Variants in MDGA2 observed in about 807,000 individuals in gnomAD.
The protein encoded by MDGA2 is MAM domain containing glycosylphosphatidylinositol anchor 2.
Under a neutral mutation model 117.8 loss-of-function variants are expected in MDGA2, and 40 were observed. The ratio of observed to expected loss-of-function variants is 0.34; its 90% CI spans 0.26 to 0.44. The LOEUF (loss-of-function observed/expected upper bound fraction) is 0.44. Among genes scored for constraint, MDGA2 ranks in the 20% least tolerant of loss-of-function variants. The pLI is 1.00. For missense variants in MDGA2, 1,123 were observed against 1,250.6 expected (o/e 0.90, Z 1.54); for synonymous variants, 452 against 439.0 (o/e 1.03, Z -0.37).
intron 1 of MDGA2, among the ~76,000 whole-genome samples, chr14:47,609,584 T>C (rs1896811306): frequency 6.6e-6 from 1 of 150,560 alleles, no homozygotes; most frequent in Admixed American, 6.6e-5. Flanking sequence ...AATGGCTTCT[T>C]TTCCTCTGGG....
At chr14:47,332,342 T>C (rs188276021) in intron 1 of MDGA2, among the ~76,000 whole-genome samples, 1 of 152,142 alleles carries the variant, frequency 6.6e-6, no homozygotes, top group East Asian at 1.9e-4. Flanking sequence ...GGCAACAGCA[T>C]GTTAGCACAA....
intron 1 of MDGA2, among the ~76,000 whole-genome samples, chr14:47,599,467 T>C (rs980877000): frequency 6.6e-6 from 1 of 152,140 alleles, no homozygotes; most frequent in Admixed American, 6.6e-5. Flanking sequence ...TTCTAAGAAG[T>C]AGTAGAAAGT....
At chr14:47,433,655 T>G (rs1421392861) in intron 1 of MDGA2, among the ~76,000 whole-genome samples, 3 of 152,140 alleles carry the variant, frequency 2.0e-5, no homozygotes, top group Non-Finnish European at 4.4e-5. Flanking sequence ...TGAAGTGTTG[T>G]GGGGCTGATG....
chr14:47,041,192 A>T (rs762227580), intron 7 of MDGA2, among the ~76,000 whole-genome samples: 2 of 152,078 alleles, frequency 1.3e-5, no homozygotes, highest in Admixed American at 6.6e-5. Context: ...AAGTTAAGGA[A>T]GTCAAGAAAA....
chr14:47,039,818 T>G (rs1888996406), intron 7 of MDGA2, among the ~76,000 whole-genome samples: 2 of 152,134 alleles, frequency 1.3e-5, no homozygotes, highest in Admixed American at 1.3e-4. Context: ...TAATGACTAT[T>G]ATTCAGTGTG....
intron 1 of MDGA2, among the ~76,000 whole-genome samples, chr14:47,478,549 A>AT (rs1318668859): frequency 6.6e-6 from 1 of 151,316 alleles, no homozygotes; most frequent in Non-Finnish European, 1.5e-5. Context: ...TAATTTTTGT[A>AT]TTTTTTTGCA....
intron 1 of MDGA2, among the ~76,000 whole-genome samples, chr14:47,653,651 G>A (rs1897686830): frequency 6.6e-6 from 1 of 152,162 alleles, no homozygotes; most frequent in African/African-American, 2.4e-5. Flanking sequence ...GATTGTAGAT[G>A]TAATTAAAGT....
intron 9 of MDGA2, among the ~76,000 whole-genome samples, chr14:46,955,882 A>G (rs1181944220): frequency 6.6e-6 from 1 of 152,132 alleles, no homozygotes; most frequent in African/African-American, 2.4e-5. Flanking sequence ...TGCTTTGTGC[A>G]TTAAAAATAT....
At chr14:47,212,013 G>C (rs1337480030) in intron 3 of MDGA2, among the ~76,000 whole-genome samples, 1 of 151,370 alleles carries the variant, frequency 6.6e-6, no homozygotes, top group Non-Finnish European at 1.5e-5. Flanking sequence ...AAATTCAGTG[G>C]AGCTATATTT....
intron 1 of MDGA2, among the ~76,000 whole-genome samples, chr14:47,483,396 T>C (rs1893993811): frequency 6.6e-6 from 1 of 152,012 alleles, no homozygotes; most frequent in Admixed American, 6.6e-5. Flanking sequence ...ACAATCATCA[T>C]AATCATGATC....
At chr14:47,323,604 G>T (rs987177322) in intron 1 of MDGA2, among the ~76,000 whole-genome samples, 2 of 151,802 alleles carry the variant, frequency 1.3e-5, no homozygotes, top group African/African-American at 4.8e-5. Context: ...TGCACTCCAG[G>T]CTGGGCAACA....
At chr14:47,576,911 C>A (rs1456613625) in intron 1 of MDGA2, among the ~76,000 whole-genome samples, 1 of 151,980 alleles carries the variant, frequency 6.6e-6, no homozygotes, top group African/African-American at 2.4e-5. Flanking sequence ...ACTATACCCC[C>A]CTAATTTTGT....
chr14:46,994,712 G>T lies in MDGA2; in HGVS notation c.1820-37069C>A, dbSNP rs944580580. On this transcript the variant is annotated intron_variant, in intron 8 of 16. Transcript: ENST00000399232. The stretch of plus-strand genomic sequence containing the variant: ...ATGGATTTTAATAGTCAATTCAAGT[G>T]TTGATGCAAAACAGCCTTAAATATA... Among the ~76,000 whole-genome samples, 4 of 152,118 alleles carry T rather than the reference G, an allele frequency of 2.6e-5. No homozygotes were observed. The South Asian group carries it at 8.3e-4, about 31-fold the overall frequency.
At chr14:47,014,229 C>A (rs1331895079) in intron 8 of MDGA2, among the ~76,000 whole-genome samples, 1 of 152,062 alleles carries the variant, frequency 6.6e-6, no homozygotes, top group Non-Finnish European at 1.5e-5. Context: ...GTGCTGCCAT[C>A]CAAGCTTTGT....
At chr14:47,658,586 C>T (rs749936549) in intron 1 of MDGA2, among the ~76,000 whole-genome samples, 2 of 152,098 alleles carry the variant, frequency 1.3e-5, no homozygotes, top group Non-Finnish European at 2.9e-5. Flanking sequence ...GGCCAGTTCT[C>T]AAACAGGATA....
chr14:47,168,704 T>C (rs568829131), intron 3 of MDGA2, among the ~76,000 whole-genome samples: 8 of 152,216 alleles, frequency 5.3e-5, no homozygotes, highest in African/African-American at 1.7e-4. Context: ...ACCAAGTTCA[T>C]TTTAAGAAAC....
intron 9 of MDGA2, among the ~76,000 whole-genome samples, chr14:46,923,391 G>T (rs1460610567): frequency 6.6e-6 from 1 of 152,038 alleles, no homozygotes; most frequent in Non-Finnish European, 1.5e-5. Flanking sequence ...GCAGAATGGA[G>T]ATGGGGATAA....
At chr14:46,839,666 A>G (rs1285967726), downstream of MDGA2, among the ~76,000 whole-genome samples, 1 of 151,898 alleles carries the variant, frequency 6.6e-6, no homozygotes, top group African/African-American at 2.4e-5. Context: ...TGTGTACTTG[A>G]ATCTCTTTGG....
intron 1 of MDGA2, among the ~76,000 whole-genome samples, chr14:47,645,035 G>A (rs1387678846): frequency 6.6e-6 from 1 of 152,066 alleles, no homozygotes; most frequent in Admixed American, 6.5e-5. Context: ...TTCCCCTAGA[G>A]CCTGCAGAAA....
Sources: gnomAD v4.1 joint callset for allele counts (sites outside exome capture counted in the v4.1 genomes callset) on GRCh38, gnomAD v4.1.1 for gene constraint, MANE v1.5 for transcripts, NCBI Gene and HGNC (gene_info 2026-07-23, HGNC 2026-07-21) for gene names.